Variants in ADAMTS17 observed in about 807,000 individuals in gnomAD.
ADAMTS17 encodes ADAM metallopeptidase with thrombospondin type 1 motif 17.
A neutral mutation model predicts 141.5 loss-of-function variants in ADAMTS17; 113 were observed. The ratio of observed to expected loss-of-function variants is 0.80; its 90% CI spans 0.69 to 0.93. The LOEUF is 0.93. Ranked by LOEUF, ADAMTS17 falls within the 40% of genes least tolerant of loss-of-function variation. The pLI is 0.00. For missense variants in ADAMTS17, 1,659 were observed against 1,517.9 expected (o/e 1.09, Z -1.54); for synonymous variants, 768 against 630.6 (o/e 1.22, Z -3.27).
chr15:100,213,395 T>C (rs1018346246), intron 7 of ADAMTS17, among the ~76,000 whole-genome samples: 3 of 152,224 alleles, frequency 2.0e-5, no homozygotes, highest in Admixed American at 6.5e-5. Flanking sequence ...CAAATCACCA[T>C]GATTGCTCAG....
Position 99,974,023 on chromosome 15 carries a change from G to GGGATGTTTCCTCCATGATATA in ADAMTS17, c.*358_*378dup, listed in dbSNP as rs983921145. The GGGATGTTTCCTCCATGATATA allele has an allele frequency of 1.1e-5, 3 of 260,904 alleles. No individual in the cohort carries two copies. The highest frequency in any genetic ancestry group is 8.3e-5 in the African/African-American group (3 of 36,170). The allele number at this position is 260,904 out of a possible 1,614,324, so 16.2% of individuals were successfully genotyped here. ...GCCTTTTCTAGCATGTCTCGTTTTG[G>GGGATGTTTCCTCCATGATATA]GGATGTTTCCTCCATGATATACCAA... On this transcript the variant is annotated 3_prime_UTR_variant, in exon 22 of 22. Transcript: ENST00000268070.
intron 7 of ADAMTS17, among the ~76,000 whole-genome samples, chr15:100,223,239 T>G (rs1444863636): frequency 6.6e-6 from 1 of 152,190 alleles, no homozygotes; most frequent in Non-Finnish European, 1.5e-5. Flanking sequence ...TCCAGCTCAC[T>G]GCTGCCACGT....
intron 7 of ADAMTS17, among the ~76,000 whole-genome samples, chr15:100,227,697 G>A (rs961309627): frequency 1.4e-4 from 21 of 152,212 alleles, no homozygotes; most frequent in African/African-American, 4.6e-4. Flanking sequence ...CTTTCTCTGA[G>A]GCTGCCAGCA....
intron 18 of ADAMTS17, among the ~76,000 whole-genome samples, chr15:100,001,254 C>T (rs2060915480): frequency 6.6e-6 from 1 of 152,102 alleles, no homozygotes; most frequent in Non-Finnish European, 1.5e-5. Context: ...TGAAGGAAAA[C>T]AATGTCTGTA....
chr15:100,188,916 A>G (rs1567323111), intron 8 of ADAMTS17, among the ~76,000 whole-genome samples: 1 of 152,126 alleles, frequency 6.6e-6, no homozygotes, highest in East Asian at 1.9e-4. Flanking sequence ...AACAAGATGG[A>G]AAAAAAAGTC....
intron 8 of ADAMTS17, among the ~76,000 whole-genome samples, 178 bp from the exon 9 acceptor site, chr15:100,155,498 G>C (rs2039392671): frequency 6.6e-6 from 1 of 152,138 alleles, no homozygotes. Context: ...TAGAGGGTGA[G>C]GATTTGCTTA....
At chr15:100,030,555 C>T (rs137929651) in intron 18 of ADAMTS17, among the ~76,000 whole-genome samples, 8 of 152,242 alleles carry the variant, frequency 5.3e-5, no homozygotes, top group South Asian at 4.1e-4. Context: ...ATCCAATCTT[C>T]GGGTTTGAAT....
intron 18 of ADAMTS17, among the ~76,000 whole-genome samples, chr15:100,036,410 C>T (rs1344554401): frequency 6.6e-6 from 1 of 152,188 alleles, no homozygotes; most frequent in Non-Finnish European, 1.5e-5. Context: ...CTGATTCCTG[C>T]TTGAGAAGTG....
intron 4 of ADAMTS17, among the ~76,000 whole-genome samples, chr15:100,280,045 T>C (rs570292233): frequency 3.9e-5 from 6 of 152,198 alleles, no homozygotes; most frequent in African/African-American, 1.4e-4. Flanking sequence ...CTCTACTCAC[T>C]GACACATTTC....
chr15:100,244,064 A>C (rs1330185654), intron 7 of ADAMTS17, among the ~76,000 whole-genome samples: 2 of 152,102 alleles, frequency 1.3e-5, no homozygotes, highest in Non-Finnish European at 2.9e-5. Flanking sequence ...AGGAGGCCTC[A>C]CAGTCATGGC....
At chr15:100,315,812 C>T (rs1378766453) in intron 3 of ADAMTS17, among the ~76,000 whole-genome samples, 3 of 152,260 alleles carry the variant, frequency 2.0e-5, no homozygotes, top group African/African-American at 7.2e-5. Flanking sequence ...CTCATTTAAA[C>T]ACTGCCCCAG....
At chr15:100,072,194 T>A (rs1465472617) in intron 15 of ADAMTS17, among the ~76,000 whole-genome samples, 1 of 148,624 alleles carries the variant, frequency 6.7e-6, no homozygotes, top group African/African-American at 2.5e-5. Flanking sequence ...GAATCCAACT[T>A]ACAAGGGATG....
At chr15:100,199,983 C>T (rs2041262776) in intron 7 of ADAMTS17, among the ~76,000 whole-genome samples, 4 of 152,226 alleles carry the variant, frequency 2.6e-5, no homozygotes, top group South Asian at 4.1e-4. Context: ...ACAGCACGCC[C>T]CGGAAGGCTG....
At chr15:100,273,126 A>G (rs1421256379) in intron 4 of ADAMTS17, among the ~76,000 whole-genome samples, 1 of 152,094 alleles carries the variant, frequency 6.6e-6, no homozygotes, top group Non-Finnish European at 1.5e-5. Context: ...ACGTCAATGA[A>G]TATTTGAACT....
At chr15:100,099,285 T>C (rs1182995239) in intron 14 of ADAMTS17, among the ~76,000 whole-genome samples, 1 of 152,190 alleles carries the variant, frequency 6.6e-6, no homozygotes, top group Non-Finnish European at 1.5e-5. Context: ...TGAACAGCAG[T>C]GACTCTAAAT....
intron 20 of ADAMTS17, among the ~76,000 whole-genome samples, chr15:99,991,151 A>G (rs2141321732): frequency 6.6e-6 from 1 of 152,352 alleles, no homozygotes; most frequent in African/African-American, 2.4e-5. Context: ...CAATGGCAGC[A>G]AAAGCCAGAA....
chr15:100,152,239 G>A (rs1056419424), intron 10 of ADAMTS17, among the ~76,000 whole-genome samples: 2 of 152,168 alleles, frequency 1.3e-5, no homozygotes, highest in African/African-American at 4.8e-5. Context: ...AGGCGACAGT[G>A]TCCTGCGTCT....
At chr15:100,022,573 G>A (rs374644170) in intron 18 of ADAMTS17, among the ~76,000 whole-genome samples, 12 of 152,286 alleles carry the variant, frequency 7.9e-5, no homozygotes, top group African/African-American at 2.6e-4. Flanking sequence ...ATGAGACACA[G>A]TAATTAGTCT....
intron 4 of ADAMTS17, among the ~76,000 whole-genome samples, chr15:100,267,456 T>A (rs1004848654): frequency 5.9e-5 from 9 of 152,208 alleles, no homozygotes; most frequent in Non-Finnish European, 7.3e-5. Context: ...TACAGATACC[T>A]CTTCCAGGCT....
Sources: gnomAD v4.1 joint callset for allele counts (sites outside exome capture counted in the v4.1 genomes callset) on GRCh38, gnomAD v4.1.1 for gene constraint, MANE v1.5 for transcripts, NCBI Gene and HGNC (gene_info 2026-07-23, HGNC 2026-07-21) for gene names.